The following PIP4K2A variants were observed in gnomAD, a reference collection of about 807,000 sequenced individuals.
The protein encoded by PIP4K2A is phosphatidylinositol-5-phosphate 4-kinase type 2 alpha, also known as phosphatidylinositol 5-phosphate 4-kinase type-2 alpha.
In PIP4K2A, 14 loss-of-function variants were observed where a neutral mutation model predicts 42.9. The ratio of observed to expected loss-of-function variants is 0.33; its 90% confidence interval spans 0.22 to 0.51. The LOEUF is 0.51. Among genes scored for constraint, PIP4K2A ranks in the 20% least tolerant of loss-of-function variants. The pLI is 0.97. For synonymous variants in PIP4K2A, 192 were observed against 192.2 expected (o/e 1.00, Z 0.01); for missense variants, 434 against 519.8 (o/e 0.83, Z 1.61).
In PIP4K2A at chr10:22,627,591, T is replaced by TAAAAAAAAAAAAAAAA. The variant is rs57671642; in HGVS notation, c.145-17890_145-17875dup. Among the ~76,000 whole-genome samples, 74 of 57,030 alleles carry TAAAAAAAAAAAAAAAA rather than the reference T, an allele frequency of 1.3e-3. 9 individuals are homozygous for TAAAAAAAAAAAAAAAA. Among genetic ancestry groups the TAAAAAAAAAAAAAAAA allele is most frequent in the East Asian group, 3.8e-3 (4 of 1,042 alleles). 37.4% of individuals were successfully genotyped at this position (57,030 alleles called of 152,430 possible). A position where few individuals can be genotyped will look rare whatever the true frequency, so the allele number is the denominator to read the frequency against. ...TGTTTAACCAAAAGCTAATATGTAA[T>TAAAAAAAAAAAAAAAA]AAAAAAAAAAAAAAAAAAAAAAAAA... On this transcript the variant is annotated intron_variant, in intron 1 of 9. Transcript: ENST00000376573.
At chr10:22,611,237 A>G (rs1014750220) in intron 1 of PIP4K2A, among the ~76,000 whole-genome samples, 3 of 152,088 alleles carry the variant, frequency 2.0e-5, no homozygotes, top group Admixed American at 2.0e-4. Flanking sequence ...AAAAATAACA[A>G]AAGTTAGCTG....
At chr10:22,683,019 G>A (rs975493158) in intron 1 of PIP4K2A, among the ~76,000 whole-genome samples, 2 of 151,680 alleles carry the variant, frequency 1.3e-5, no homozygotes, top group African/African-American at 4.9e-5. Context: ...TTATTTTTGC[G>A]TAGCTGAGGC....
At chr10:22,638,425 C>T (rs1178560367) in intron 1 of PIP4K2A, among the ~76,000 whole-genome samples, 2 of 152,140 alleles carry the variant, frequency 1.3e-5, no homozygotes, top group Non-Finnish European at 2.9e-5. Flanking sequence ...GTTCTCCTCT[C>T]CTCTTCCCAG....
At chr10:22,713,734 G>A (rs933970177) in intron 1 of PIP4K2A, among the ~76,000 whole-genome samples, 11 of 152,016 alleles carry the variant, frequency 7.2e-5, no homozygotes, top group African/African-American at 2.7e-4. Context: ...AGGTACACCT[G>A]CCCGCAAGCG....
intron 1 of PIP4K2A, among the ~76,000 whole-genome samples, chr10:22,667,849 A>C: frequency 6.7e-6 from 1 of 148,632 alleles, no homozygotes; most frequent in Non-Finnish European, 1.5e-5. Flanking sequence ...AAAATCCTGA[A>C]GTTTTCAGTG....
At chr10:22,619,078 G>GA (rs1281739613) in intron 1 of PIP4K2A, among the ~76,000 whole-genome samples, 2 of 119,620 alleles carry the variant, frequency 1.7e-5, no homozygotes, top group Non-Finnish European at 3.5e-5. Context: ...TTTGTACTGG[G>GA]GGAAAAAATC....
At chr10:22,676,530 T>C (rs1230415400) in intron 1 of PIP4K2A, among the ~76,000 whole-genome samples, 1 of 152,144 alleles carries the variant, frequency 6.6e-6, no homozygotes, top group Non-Finnish European at 1.5e-5. Context: ...GATACAGTTA[T>C]AGGTGGAGAG....
chr10:22,712,822 A>C (rs1833933325), intron 1 of PIP4K2A, among the ~76,000 whole-genome samples: 1 of 152,108 alleles, frequency 6.6e-6, no homozygotes, highest in African/African-American at 2.4e-5. Flanking sequence ...ATCGATCCTG[A>C]TACTGTTTTG....
intron 6 of PIP4K2A, among the ~76,000 whole-genome samples, chr10:22,561,570 T>G (rs1836700517): frequency 7.1e-6 from 1 of 140,166 alleles, no homozygotes; most frequent in Non-Finnish European, 1.5e-5. Context: ...ACGCAGTTTT[T>G]TTTTTTTTTT....
chr10:22,634,559 A>G (rs1838621079), intron 1 of PIP4K2A, among the ~76,000 whole-genome samples: 1 of 152,178 alleles, frequency 6.6e-6, no homozygotes, highest in Non-Finnish European at 1.5e-5. Flanking sequence ...ATCTTTTATA[A>G]GTCCAAATTT....
At chr10:22,543,729 G>C (rs958882083) in intron 7 of PIP4K2A, among the ~76,000 whole-genome samples, 2 of 152,236 alleles carry the variant, frequency 1.3e-5, no homozygotes, top group Non-Finnish European at 2.9e-5. Context: ...CATGTTTGTG[G>C]GGGCGGCTGC....
intron 6 of PIP4K2A, among the ~76,000 whole-genome samples, chr10:22,562,535 C>T (rs1034636779): frequency 2.0e-5 from 3 of 152,080 alleles, no homozygotes; most frequent in Non-Finnish European, 2.9e-5. Context: ...GGTGACAGAG[C>T]GAGACTCCGT....
At chr10:22,573,498 A>G in intron 4 of PIP4K2A, 41 bp from the exon 5 acceptor site, 2 of 1,565,290 alleles carry the variant, frequency 1.3e-6, no homozygotes, top group Non-Finnish European at 1.7e-6. Flanking sequence ...ACATCCAATC[A>G]AAAGATTGCT....
intron 1 of PIP4K2A, among the ~76,000 whole-genome samples, chr10:22,612,732 G>A (rs1395547921): frequency 6.6e-6 from 1 of 152,084 alleles, no homozygotes; most frequent in Non-Finnish European, 1.5e-5. Flanking sequence ...GGGGAAGCTG[G>A]TGGGTCCAAC....
At chr10:22,670,960 A>T (rs1839437308) in intron 1 of PIP4K2A, among the ~76,000 whole-genome samples, 1 of 152,236 alleles carries the variant, frequency 6.6e-6, no homozygotes, top group African/African-American at 2.4e-5. Flanking sequence ...AAGAAAGAGC[A>T]GAGAAGCAGT....
chr10:22,595,386 C>A (rs1412536737), intron 3 of PIP4K2A, among the ~76,000 whole-genome samples: 1 of 152,116 alleles, frequency 6.6e-6, no homozygotes, highest in Non-Finnish European at 1.5e-5. Flanking sequence ...CTTTTTGTAG[C>A]CTTTAAAATA....
intron 6 of PIP4K2A, among the ~76,000 whole-genome samples, chr10:22,558,493 C>G (rs1320837081): frequency 1.3e-5 from 2 of 152,216 alleles, no homozygotes; most frequent in Non-Finnish European, 2.9e-5. Context: ...AACATCTAAG[C>G]CACAAATTTG....
chr10:22,661,762 CA>C (rs1314975211), intron 1 of PIP4K2A: 1 of 152,088 alleles, frequency 6.6e-6, no homozygotes, highest in East Asian at 1.9e-4. Flanking sequence ...AGTGTGTACC[CA>C]ATTATTGTTT....
chr10:22,665,334 C>T (rs1001849951), intron 1 of PIP4K2A, among the ~76,000 whole-genome samples: 2 of 152,196 alleles, frequency 1.3e-5, no homozygotes, highest in Admixed American at 6.5e-5. Flanking sequence ...CTACATCATA[C>T]AGATCCCTCC....
Sources: allele counts gnomAD v4.1 joint callset (sites outside exome capture counted in the v4.1 genomes callset), GRCh38; gene constraint gnomAD v4.1.1; transcripts MANE v1.5; gene names NCBI Gene and HGNC (gene_info 2026-07-23, HGNC 2026-07-21).